The following PRKAR1A variants were observed in gnomAD, a reference collection of about 807,000 sequenced individuals.
PRKAR1A encodes the protein protein kinase cAMP-dependent type I regulatory subunit alpha.
A neutral mutation model predicts 52.0 loss-of-function variants in PRKAR1A; 3 were observed. That is an observed-to-expected ratio of 0.06 (90% CI 0.03 to 0.15). PRKAR1A has a LOEUF of 0.15. PRKAR1A is among the 10% of genes least tolerant of loss of function. The pLI is 1.00. For missense variants in PRKAR1A, 240 were observed against 477.4 expected (o/e 0.50, Z 4.63); for synonymous variants, 188 against 168.4 (o/e 1.12, Z -0.90).
chr17:68,537,176 A>C (rs2086118696), downstream of PRKAR1A: 1 of 568,804 alleles, frequency 1.8e-6, no homozygotes, highest in African/African-American at 1.8e-5. The surrounding 1 kb of genome is among the most constrained non-coding windows in gnomAD (Gnocchi z 4.2). Context: ...TCCTGGGATC[A>C]AGGCTGCCAA....
In PRKAR1A at chr17:68,530,932, G is replaced by A; in HGVS notation, c.*483G>A. 9.1e-7 allele frequency: 1 copy of A among 1,104,936 alleles called. No homozygotes were observed. The highest frequency in any genetic ancestry group is 1.1e-6 in the Non-Finnish European group (1 of 901,720). The allele number at this position is 1,104,936 out of a possible 1,614,324, so 68.4% of individuals were successfully genotyped here. On this transcript the variant is annotated 3_prime_UTR_variant, in exon 11 of 11. Coordinates refer to ENST00000589228, the MANE Select transcript of PRKAR1A (RefSeq NM_002734.5). ...GGGAAAATGGATATAGAAAATCTTA[G>A]TATAGTAGAAAGACATCTGCCTGTA...
At chr17:68,489,717 A>AT in the PRKAR1A span, among the ~76,000 whole-genome samples, 17 of 147,552 alleles carry the variant, frequency 1.2e-4, no homozygotes, top group Non-Finnish European at 1.8e-4. Context: ...CACCCGGCAA[A>AT]TTTTTTTTTT....
chr17:68,525,916 A>G lies in PRKAR1A; in HGVS notation c.708+4A>G. The G allele has an allele frequency of 6.2e-7, 1 of 1,613,642 alleles. No individual in the cohort carries two copies. Among genetic ancestry groups the G allele is most frequent in the East Asian group, 2.2e-5 (1 of 44,866 alleles). ...CAGCTATAGAAGAATCCTCATGGTA[A>G]GAGACCATGGTGTTTGAGAGTGTGA... On this transcript the variant is annotated splice_donor_region_variant and intron_variant, in intron 7 of 10. Coordinates refer to ENST00000589228, the MANE Select transcript of PRKAR1A (RefSeq NM_002734.5).
At chr17:68,516,625 C>T (rs1433142683) in intron 2 of PRKAR1A, among the ~76,000 whole-genome samples, 1 of 151,654 alleles carries the variant, frequency 6.6e-6, no homozygotes, top group Non-Finnish European at 1.5e-5. Flanking sequence ...AGAATCTGTA[C>T]TAAGCTTTAA....
chr17:68,433,784 T>TGTTTTTTTG, the PRKAR1A span, among the ~76,000 whole-genome samples: 2 of 86,936 alleles, frequency 2.3e-5, no homozygotes, highest in African/African-American at 7.8e-5. Flanking sequence ...TTTTTTTTTT[T>TGTTTTTTTG]TTTTTTTTTT....
the PRKAR1A span, among the ~76,000 whole-genome samples, chr17:68,502,264 G>C: frequency 6.6e-6 from 1 of 152,088 alleles, no homozygotes; most frequent in African/African-American, 2.4e-5. Flanking sequence ...TCTAAGGCAG[G>C]GGTTGGTAAG....
intron 8 of PRKAR1A, 114 bp from the exon 9 acceptor site, chr17:68,528,756 C>A: frequency 7.3e-7 from 1 of 1,376,274 alleles, no homozygotes; most frequent in Non-Finnish European, 1.0e-6. Context: ...ATCTGAGACA[C>A]TACTAGAATG....
chr17:68,515,268 A>T lies in PRKAR1A; in HGVS notation c.-6-126A>T. The T allele has an allele frequency of 3.7e-6, 4 of 1,084,218 alleles. No individual in the cohort carries two copies. In the Admixed American group the frequency reaches 8.1e-5, roughly 22 times the overall value. 67.2% of individuals were successfully genotyped at this position (1,084,218 alleles called of 1,614,324 possible). A position where few individuals can be genotyped will look rare whatever the true frequency, so the allele number is the denominator to read the frequency against. ...TTCCCTAGTCCCCACTTCCCTGTTT[A>T]AAAACAAAATCTACTTAGAAAAAAA... is the stretch of plus-strand genomic sequence containing the variant. On this transcript the variant is annotated intron_variant, in intron 1 of 10. Transcript: ENST00000589228.
chr17:68,475,253 G>T, the PRKAR1A span, among the ~76,000 whole-genome samples: 1 of 152,192 alleles, frequency 6.6e-6, no homozygotes, highest in East Asian at 1.9e-4. Flanking sequence ...AACATGGAAA[G>T]AATTTCCTTG....
chr17:68,420,270 C>T, the PRKAR1A span: 2 of 1,614,132 alleles, frequency 1.2e-6, no homozygotes, highest in Non-Finnish European at 1.7e-6. Flanking sequence ...GAAGACGATA[C>T]CGCAGAAGCT....
In PRKAR1A at chr17:68,532,043, T is replaced by C. The variant is rs968302450; in HGVS notation, c.*1594T>C. ...TTCATAGATTTGAAAAACTTTTAGG[T>C]TGTTACCAAGTATGAAGTATAAATC... On this transcript the variant is annotated 3_prime_UTR_variant, in exon 11 of 11. Coordinates refer to ENST00000589228, the MANE Select transcript of PRKAR1A (RefSeq NM_002734.5). 3 of 1,065,342 alleles carry C rather than the reference T, an allele frequency of 2.8e-6. No homozygotes were observed. The East Asian group carries it at 1.5e-4, about 53-fold the overall frequency. 66.0% of individuals were successfully genotyped at this position (1,065,342 alleles called of 1,614,324 possible).
chr17:68,431,581 T>G, the PRKAR1A span, among the ~76,000 whole-genome samples: 1 of 152,202 alleles, frequency 6.6e-6, no homozygotes, highest in South Asian at 2.1e-4. Flanking sequence ...TTCAGAAGAT[T>G]AATCAGCAAG....
At chr17:68,544,661 G>A (rs1486899994) in intron 11 of PRKAR1A, among the ~76,000 whole-genome samples, 1 of 152,122 alleles carries the variant, frequency 6.6e-6, no homozygotes, top group East Asian at 1.9e-4. Flanking sequence ...CCACAGTGAG[G>A]TGCTGCCAAA....
chr17:68,468,892 C>T, the PRKAR1A span, among the ~76,000 whole-genome samples: 1 of 152,192 alleles, frequency 6.6e-6, no homozygotes, highest in Non-Finnish European at 1.5e-5. Context: ...CCTAGGCTCT[C>T]AGCTCTTCTC....
chr17:68,486,063 A>T, the PRKAR1A span, among the ~76,000 whole-genome samples: 6 of 152,130 alleles, frequency 3.9e-5, no homozygotes, highest in Non-Finnish European at 8.8e-5. Flanking sequence ...CGAGCCCCAC[A>T]ATCCATAACA....
intron 3 of PRKAR1A, among the ~76,000 whole-genome samples, chr17:68,523,160 AGTT>A (rs2085671077): frequency 6.6e-6 from 1 of 152,196 alleles, no homozygotes; most frequent in South Asian, 2.1e-4. Flanking sequence ...ATTTCCTTGC[AGTT>A]GTTTTGCAGT....
chr17:68,536,892 T>C (rs1410916247), downstream of PRKAR1A: 7 of 454,076 alleles, frequency 1.5e-5, no homozygotes, highest in East Asian at 4.9e-4. Flanking sequence ...TTATAATATC[T>C]CTAAGAAGTT....
chr17:68,453,429 CTTTA>C, the PRKAR1A span, among the ~76,000 whole-genome samples: 1,827 of 151,340 alleles, frequency 0.012, 33 homozygotes, highest in African/African-American at 0.041. Flanking sequence ...TCCTTCATAA[CTTTA>C]TTTGTTTGTT....
the PRKAR1A span, among the ~76,000 whole-genome samples, chr17:68,487,682 T>A: frequency 4.0e-5 from 6 of 151,714 alleles, no homozygotes; most frequent in Non-Finnish European, 7.4e-5. Flanking sequence ...GCACCTGTAA[T>A]CCCAGCTATT....
Sources: allele counts gnomAD v4.1 joint callset (sites outside exome capture counted in the v4.1 genomes callset), GRCh38; gene constraint gnomAD v4.1.1; non-coding constraint Gnocchi (gnomAD v3.1); transcripts MANE v1.5; gene names NCBI Gene and HGNC (gene_info 2026-07-23, HGNC 2026-07-21).